The following TRIM58 variants were observed in gnomAD, a reference collection of about 807,000 sequenced individuals.
TRIM58 encodes E3 ubiquitin-protein ligase TRIM58.
Under a neutral mutation model 34.1 loss-of-function variants are expected in TRIM58, and 38 were observed. The observed-to-expected ratio is 1.12, with a 90% confidence interval of 0.86 to 1.46. The LOEUF (loss-of-function observed/expected upper bound fraction) is 1.46, where lower values mean the gene tolerates loss of function less well. Ranked by LOEUF, TRIM58 falls within the 40% of genes most tolerant of loss-of-function variation. The pLI is 0.00. For missense variants in TRIM58, 677 were observed against 642.0 expected, an observed-to-expected ratio of 1.05 and a Z score of -0.59; for synonymous variants, 273 against 275.7, an observed-to-expected ratio of 0.99 and a Z score of 0.10.
In TRIM58 at chr1:247,867,573, C is replaced by T. The variant is rs184783795; in HGVS notation, c.748-272C>T. Among the ~76,000 whole-genome samples the T allele has an allele frequency of 4.5e-3, 677 of 151,992 alleles. 5 individuals carry two copies. Among genetic ancestry groups the T allele is most frequent in the Admixed American group, 1.0e-2 (152 of 15,270 alleles). On this transcript the variant is annotated intron_variant, in intron 3 of 5. Transcript: ENST00000366481. ...AAAAAAAATTAGCCAGGCGTGGTGG[C>T]GGGAGCCTGTAATCCCAGCTACTTG...
At position 247,876,440 on chromosome 1, in the gene TRIM58, C is replaced by G. The variant is rs780055554; in HGVS notation, c.1412C>G (p.Ser471Cys). 1.1e-5 allele frequency: 17 copies of G among 1,613,996 alleles called. No individual in the cohort carries two copies. Among genetic ancestry groups the G allele is most frequent in the Non-Finnish European group, 1.3e-5 (15 of 1,180,030 alleles). Residue 471 changes from serine to cysteine, a missense_variant, in exon 6 of 6, where the codon TCC becomes TGC. Ser to Cys is a moderately radical substitution (Grantham distance 112). Transcript: ENST00000366481. ...ATAGCAGGGTCAGGAAATTGGGCAT[C>G]CAGGGATCATTTAGATCCTGCTTCT... ...TTIAGSGNWASRDHLDPASDV... is the reference protein window; with the variant it reads ...TTIAGSGNWACRDHLDPASDV...
In TRIM58 at chr1:247,857,235, G is replaced by T. The variant is rs1205831285; in HGVS notation, c.-12G>T. The T allele has an allele frequency of 1.5e-6, 2 of 1,312,352 alleles. No homozygotes were observed. Among genetic ancestry groups the T allele is most frequent in the Non-Finnish European group, 2.0e-6 (2 of 1,024,240 alleles). 81.3% of individuals were successfully genotyped at this position (1,312,352 alleles called of 1,614,324 possible). A position where few individuals can be genotyped will look rare whatever the true frequency, so the allele number is the denominator to read the frequency against. Reference sequence around the variant, plus strand: ...CGGGCGGCCGGGAGCGCAGCCCTCCGGGAGGCGGGTCATGGCCTGGGCGCC... The same window carrying T: ...CGGGCGGCCGGGAGCGCAGCCCTCCTGGAGGCGGGTCATGGCCTGGGCGCC... On this transcript the variant is annotated 5_prime_UTR_variant, in exon 1 of 6. Transcript: ENST00000366481.
intron 2 of TRIM58, among the ~76,000 whole-genome samples, chr1:247,863,506 C>G (rs1397283792): frequency 6.6e-6 from 1 of 151,638 alleles, no homozygotes; most frequent in Non-Finnish European, 1.5e-5. Context: ...CCACTGCACT[C>G]TAGCCTGGGT....
chr1:247,867,635 C>G (rs1033957281), intron 3 of TRIM58, among the ~76,000 whole-genome samples: 2 of 151,994 alleles, frequency 1.3e-5, no homozygotes, highest in East Asian at 3.9e-4. Flanking sequence ...CGCAGTGAGC[C>G]GAGATTGCGC....
rs778317090 is a variant in TRIM58, at chr1:247,864,831, C to G, written c.643C>G (p.Leu215Val). ...GGAGGAGCGAGCGACGCTGCAGAGA[C>G]TGCGGGAGAGCAAGAGCCGGCTGGT... is the stretch of plus-strand genomic sequence containing the variant. Reference protein sequence around the residue: ...EAEERATLQRLRESKSRLVQQ... With the variant: ...EAEERATLQRVRESKSRLVQQ... The change falls in exon 3 of 6, where the codon CTG (leucine) becomes GTG (valine). Residue 215 changes from leucine (L) to valine (V), a missense_variant. Transcript: ENST00000366481. The G allele has an allele frequency of 1.9e-6, 3 of 1,613,468 alleles. No individual in the cohort carries two copies. Among genetic ancestry groups the G allele is most frequent in the Admixed American group, 1.7e-5 (1 of 59,976 alleles).
intron 2 of TRIM58, among the ~76,000 whole-genome samples, chr1:247,863,012 T>C (rs1013794460): frequency 6.6e-6 from 1 of 152,140 alleles, no homozygotes; most frequent in Non-Finnish European, 1.5e-5. Context: ...GCCTCTGATA[T>C]GAAGAGAGCT....
intron 5 of TRIM58, among the ~76,000 whole-genome samples, chr1:247,874,071 T>C (rs1450530333): frequency 6.6e-6 from 1 of 152,246 alleles, no homozygotes; most frequent in Non-Finnish European, 1.5e-5. Context: ...TTTGTTCTGA[T>C]ATTAAAAATC....
intron 2 of TRIM58, among the ~76,000 whole-genome samples, chr1:247,861,394 G>A (rs528290925): frequency 1.1e-4 from 17 of 152,256 alleles, no homozygotes; most frequent in African/African-American, 3.9e-4. Context: ...GGTGGGTGCA[G>A]TGCACCTGTC....
In TRIM58 at chr1:247,857,627, C is replaced by A; in HGVS notation, c.381C>A (p.His127Gln). The stretch of plus-strand genomic sequence containing the variant: ...ACGCCGGCCCCGAGCACAGGACGCA[C>A]CGCACGGCGCCGCTGCAGGAGGCCG... ...VCDAGPEHRT[H>Q]RTAPLQEAAG... is the part of the protein sequence containing the mutation. Residue 127 changes from histidine to glutamine, a missense_variant, in exon 1 of 6, where the codon CAC becomes CAA. Coordinates refer to ENST00000366481, the MANE Select transcript of TRIM58 (RefSeq NM_015431.4). The A allele has an allele frequency of 8.1e-7, 1 of 1,241,788 alleles. No homozygotes were observed. Among genetic ancestry groups the A allele is most frequent in the Non-Finnish European group, 1.0e-6 (1 of 993,862 alleles). 76.9% of individuals were successfully genotyped at this position (1,241,788 alleles called of 1,614,324 possible).
chr1:247,858,856 G>A (rs1240745227), intron 1 of TRIM58, among the ~76,000 whole-genome samples: 4 of 146,044 alleles, frequency 2.7e-5, no homozygotes, highest in Non-Finnish European at 4.5e-5. Flanking sequence ...CGTCTCCCGG[G>A]TCCTGGTGCA....
intron 5 of TRIM58, among the ~76,000 whole-genome samples, chr1:247,875,101 A>G (rs542378246): frequency 5.3e-5 from 8 of 152,120 alleles, no homozygotes; most frequent in African/African-American, 1.9e-4. Context: ...GCCAGAGAAA[A>G]CTTTCTGATT....
chr1:247,867,901 G>T (rs1663966471), intron 4 of TRIM58, 34 bp downstream of exon 4: 1 of 1,614,014 alleles, frequency 6.2e-7, no homozygotes, highest in African/African-American at 1.3e-5. Flanking sequence ...GAAGGGATTG[G>T]GAGAGGCAGA....
chr1:247,859,498 C>T (rs988925808), intron 1 of TRIM58, among the ~76,000 whole-genome samples: 6 of 151,972 alleles, frequency 3.9e-5, no homozygotes, highest in African/African-American at 1.4e-4. Context: ...AATTAAAATC[C>T]TGTTTATGTA....
chr1:247,858,824 A>T lies in TRIM58; in HGVS notation c.420+1158A>T, dbSNP rs867446965. Among the ~76,000 whole-genome samples the T allele has an allele frequency of 6.2e-5, 8 of 130,032 alleles. No homozygotes were observed. The Middle Eastern group carries it at 0.015, about 251-fold the overall frequency. 85.3% of individuals were successfully genotyped at this position (130,032 alleles called of 152,430 possible). ...AGCTCAGGCTGGAGGGCAGTGGCGC[A>T]ATCTCGGCTCATTGCAACCTCCGTC... On this transcript the variant is annotated intron_variant, in intron 1 of 5. Transcript: ENST00000366481.
chr1:247,869,328 G>A (rs904002467), intron 5 of TRIM58, among the ~76,000 whole-genome samples: 1 of 152,152 alleles, frequency 6.6e-6, no homozygotes, highest in Admixed American at 6.5e-5. Flanking sequence ...GGGGTGAGGC[G>A]TGAAGGACTG....
At chr1:247,869,955 T>G (rs1659060190) in intron 5 of TRIM58, among the ~76,000 whole-genome samples, 1 of 152,146 alleles carries the variant, frequency 6.6e-6, no homozygotes, top group African/African-American at 2.4e-5. Context: ...TTTAGGGAGA[T>G]AGTAAATGAT....
rs1330211916 is a variant in TRIM58 at position 247,880,016 on chromosome 1, C to CA, written c.*3527_*3528insA. ...ATGTAAACACCACAAGGGGAGGTAT[C>CA]TTTGTCTGTTGACAATGATACATTC... is the stretch of plus-strand genomic sequence containing the variant. On this transcript the variant is annotated 3_prime_UTR_variant, in exon 6 of 6. Coordinates refer to ENST00000366481, the MANE Select transcript of TRIM58 (RefSeq NM_015431.4). Among the ~76,000 whole-genome samples the CA allele has an allele frequency of 6.6e-6, 1 of 152,014 alleles. No homozygotes were observed. The highest frequency in any genetic ancestry group is 2.4e-5 in the African/African-American group (1 of 41,400).
chr1:247,874,717 C>T lies in TRIM58; in HGVS notation c.872-1183C>T, dbSNP rs183726291. ...AACTACAAGCTTATGTGCTTAAAGC[C>T]ATACCATTTAGTAGCTCATGGTTCT... On this transcript the variant is annotated intron_variant, in intron 5 of 5. Coordinates refer to ENST00000366481, the MANE Select transcript of TRIM58 (RefSeq NM_015431.4). Among the ~76,000 whole-genome samples, 5 of 152,230 alleles carry T rather than the reference C, an allele frequency of 3.3e-5. No individual in the cohort carries two copies. The South Asian group carries it at 6.2e-4, about 19-fold the overall frequency.
chr1:247,873,919 T>C (rs771618719), intron 5 of TRIM58, among the ~76,000 whole-genome samples: 8 of 152,078 alleles, frequency 5.3e-5, no homozygotes, highest in Non-Finnish European at 1.0e-4. Flanking sequence ...TGAGCTGTGA[T>C]TGCACCACTG....
Sources: allele counts gnomAD v4.1 joint callset (sites outside exome capture counted in the v4.1 genomes callset), GRCh38; gene constraint gnomAD v4.1.1; transcripts MANE v1.5; gene names NCBI Gene and HGNC (gene_info 2026-07-23, HGNC 2026-07-21).